The following ARHGAP31 variants were observed in gnomAD, a reference collection of about 807,000 sequenced individuals.
ARHGAP31 encodes the protein rho GTPase-activating protein 31.
ARHGAP31 carries 34 observed loss-of-function variants against 113.9 expected under a neutral mutation model. That is an observed-to-expected ratio of 0.30 (90% confidence interval 0.23 to 0.40). The LOEUF (loss-of-function observed/expected upper bound fraction) is 0.40, where lower values mean the gene tolerates loss of function less well. ARHGAP31 is among the 10% of genes least tolerant of loss of function. The pLI is 1.00. For synonymous variants in ARHGAP31, 650 were observed against 684.8 expected (o/e 0.95, Z 0.79); for missense variants, 1,548 against 1,767.1 (o/e 0.88, Z 2.22).
At chr3:119,336,070 G>T (rs1438203900) in intron 1 of ARHGAP31, among the ~76,000 whole-genome samples, 2 of 152,150 alleles carry the variant, frequency 1.3e-5, no homozygotes, top group Non-Finnish European at 2.9e-5. Flanking sequence ...AGCTACTCTG[G>T]AGGATGAGGC....
At chr3:119,323,614 T>TA (rs1393128011) in intron 1 of ARHGAP31, among the ~76,000 whole-genome samples, 1 of 152,034 alleles carries the variant, frequency 6.6e-6, no homozygotes, top group African/African-American at 2.4e-5. Context: ...TCACCTGACA[T>TA]ACTGTCTCAC....
rs777091495 is a variant in ARHGAP31 at position 119,415,110 on chromosome 3, G to A, written c.3181G>A (p.Gly1061Ser). Residue 1061 changes from glycine (G) to serine (S), a missense_variant, in exon 12 of 12, where the codon GGT (glycine) becomes AGT (serine). Physicochemically the swap from Gly to Ser is moderately conservative, Grantham distance 56. Coordinates refer to ENST00000264245, the MANE Select transcript of ARHGAP31 (RefSeq NM_020754.4). ...GHSSPQIRQG[G>S]VPGPESSKES... ...CAGCAGTCCACAGATTAGGCAAGGT[G>A]GTGTTCCTGGGCCAGAGAGCAGCAA... 5 of 1,614,076 alleles carry A rather than the reference G, an allele frequency of 3.1e-6. No homozygotes were observed. The African/African-American group carries it at 4.0e-5, about 13-fold the overall frequency.
At chr3:119,396,834 T>C (rs1359714640) in intron 8 of ARHGAP31, among the ~76,000 whole-genome samples, 1 of 151,934 alleles carries the variant, frequency 6.6e-6, no homozygotes, top group Non-Finnish European at 1.5e-5. Context: ...AGAAATAAAG[T>C]ATAGGAAAAA....
At position 119,414,733 on chromosome 3, in the gene ARHGAP31, A is replaced by G. The variant is rs764204738; in HGVS notation, c.2804A>G (p.Gln935Arg). ...CACAAGGCCCAGGTACAGGGCCTTC[A>G]GGGTCACCAGTTGGAGAAGAGGCTT... ...DAHKAQVQGL[Q>R]GHQLEKRLSH... Residue 935 changes from glutamine (Q) to arginine (R), a missense_variant, in exon 12 of 12, where the codon CAG (glutamine) becomes CGG (arginine). By Grantham distance (43) the Gln-to-Arg change is conservative (BLOSUM62 1). Coordinates refer to ENST00000264245, the MANE Select transcript of ARHGAP31 (RefSeq NM_020754.4). 2.5e-6 allele frequency: 4 copies of G among 1,614,082 alleles called. No homozygotes were observed. In the South Asian group the frequency reaches 3.3e-5, roughly 13 times the overall value.
At chr3:119,355,416 G>A (rs2080146183) in intron 1 of ARHGAP31, among the ~76,000 whole-genome samples, 1 of 151,404 alleles carries the variant, frequency 6.6e-6, no homozygotes, top group Non-Finnish European at 1.5e-5. Flanking sequence ...AAATCCATCT[G>A]GAGAAAAATG....
intron 9 of ARHGAP31, 115 bp from the exon 10 acceptor site, chr3:119,401,706 CT>C: frequency 1.0e-6 from 1 of 959,068 alleles, no homozygotes. Flanking sequence ...GGTTATGCCC[CT>C]GTTAGAATGC....
intron 2 of ARHGAP31, among the ~76,000 whole-genome samples, 169 bp downstream of exon 2, chr3:119,365,587 T>C (rs191992844): frequency 6.6e-6 from 1 of 152,336 alleles, no homozygotes; most frequent in East Asian, 1.9e-4. Flanking sequence ...CTTAATCTAA[T>C]CAGGAAACCC....
intron 3 of ARHGAP31, among the ~76,000 whole-genome samples, chr3:119,378,942 C>T (rs1173754872): frequency 2.0e-5 from 3 of 152,354 alleles, no homozygotes; most frequent in East Asian, 3.9e-4. Context: ...CACCAGAAGA[C>T]TGGGACACCT....
At chr3:119,367,853 T>A (rs373410836) in intron 2 of ARHGAP31, among the ~76,000 whole-genome samples, 27 of 133,918 alleles carry the variant, frequency 2.0e-4, no homozygotes, top group South Asian at 2.6e-4. Flanking sequence ...CGAGACTCCA[T>A]CTCAAAAAAA....
intron 1 of ARHGAP31, among the ~76,000 whole-genome samples, chr3:119,337,441 A>G (rs1357661595): frequency 6.6e-6 from 1 of 152,208 alleles, no homozygotes; most frequent in Non-Finnish European, 1.5e-5. Flanking sequence ...CACAGACCCA[A>G]AGAGTGACCA....
chr3:119,339,973 A>G (rs2079993460), intron 1 of ARHGAP31, among the ~76,000 whole-genome samples: 1 of 152,252 alleles, frequency 6.6e-6, no homozygotes, highest in South Asian at 2.1e-4. Context: ...CCTTGTTAAG[A>G]AGTGAAACAA....
intron 1 of ARHGAP31, among the ~76,000 whole-genome samples, chr3:119,310,445 A>G (rs377474710): frequency 6.6e-6 from 1 of 152,182 alleles, no homozygotes; most frequent in Non-Finnish European, 1.5e-5. Flanking sequence ...GGCTGCAAAC[A>G]GGTATGATCC....
intron 9 of ARHGAP31, among the ~76,000 whole-genome samples, chr3:119,399,660 A>C (rs543215226): frequency 6.6e-6 from 1 of 152,358 alleles, no homozygotes; most frequent in East Asian, 1.9e-4. Context: ...ATGTATCTTG[A>C]ACTTGGCTGT....
chr3:119,330,794 T>A (rs1297675834), intron 1 of ARHGAP31, among the ~76,000 whole-genome samples: 1 of 152,248 alleles, frequency 6.6e-6, no homozygotes, highest in Non-Finnish European at 1.5e-5. Context: ...TATAACTAAA[T>A]GGGCTTTGAA....
At chr3:119,391,603 C>G (rs1008036927) in intron 7 of ARHGAP31, among the ~76,000 whole-genome samples, 8 of 115,450 alleles carry the variant, frequency 6.9e-5, no homozygotes, top group South Asian at 6.6e-4. Context: ...CCCCCTCCCC[C>G]CCGCCGTCAC....
At chr3:119,314,235 A>C (rs1191588807) in intron 1 of ARHGAP31, 1 of 152,246 alleles carries the variant, frequency 6.6e-6, no homozygotes, top group Middle Eastern at 3.2e-3. Context: ...GGGCCTTGCC[A>C]ACTCCAACCC....
intron 1 of ARHGAP31, among the ~76,000 whole-genome samples, chr3:119,306,420 G>C (rs548917558): frequency 1.3e-5 from 2 of 152,254 alleles, no homozygotes; most frequent in Admixed American, 1.3e-4. Context: ...AGCTGGGCAT[G>C]GTGGCGCGTG....
intron 3 of ARHGAP31, among the ~76,000 whole-genome samples, chr3:119,369,322 A>G (rs1282838668): frequency 6.6e-6 from 1 of 152,154 alleles, no homozygotes; most frequent in Non-Finnish European, 1.5e-5. Context: ...GGGGCATTGA[A>G]ACAATTTACC....
chr3:119,322,877 C>CG lies in ARHGAP31; in HGVS notation c.100+27878dup, dbSNP rs200329748. Reference sequence around the variant, plus strand: ...GCTCCCTTCAAACTCGGCCCGGCCGCGGGGGTCCCGGGTGCCCTCTGCTGG... The same window carrying CG: ...GCTCCCTTCAAACTCGGCCCGGCCGCGGGGGGTCCCGGGTGCCCTCTGCTGG... On this transcript the variant is annotated intron_variant, in intron 1 of 11. Coordinates refer to ENST00000264245, the MANE Select transcript of ARHGAP31 (RefSeq NM_020754.4). 1,002 of 153,554 alleles carry CG rather than the reference C, an allele frequency of 6.5e-3. 16 individuals carry two copies. Among genetic ancestry groups the CG allele is most frequent in the East Asian group, 0.061 (320 of 5,214 alleles). The allele number at this position is 153,554 out of a possible 1,614,324, so 9.5% of individuals were successfully genotyped here. A position where few individuals can be genotyped will look rare whatever the true frequency, so the allele number is the denominator to read the frequency against.
Sources: gnomAD v4.1 joint callset for allele counts (sites outside exome capture counted in the v4.1 genomes callset) on GRCh38, gnomAD v4.1.1 for gene constraint, MANE v1.5 for transcripts, NCBI Gene and HGNC (gene_info 2026-07-23, HGNC 2026-07-21) for gene names.